HDAC4: variants seen among roughly 807,000 people sequenced by gnomAD.
The protein encoded by HDAC4 is histone deacetylase A.
A neutral mutation model predicts 135.1 loss-of-function variants in HDAC4; 16 were observed. That is an observed-to-expected ratio of 0.12 (90% CI 0.08 to 0.18). HDAC4 has a LOEUF of 0.18. Among genes scored for constraint, HDAC4 ranks in the 10% least tolerant of loss-of-function variants. The probability of loss-of-function intolerance (pLI) is 1.00; values close to 1 mark genes in which losing one functional copy is unlikely to be tolerated. For missense variants in HDAC4, 1,143 were observed against 1,511.8 expected, an observed-to-expected ratio of 0.76 and a Z score of 4.05; for synonymous variants, 685 against 653.4, an observed-to-expected ratio of 1.05 and a Z score of -0.74.
chr2:239,109,958 G>C (rs948040643), intron 14 of HDAC4, among the ~76,000 whole-genome samples: 3 of 152,188 alleles, frequency 2.0e-5, no homozygotes, highest in Non-Finnish European at 1.5e-5. Context: ...ATGGAGAAGC[G>C]GCAAAGCCCA....
chr2:239,249,060 G>A (rs1024711376), intron 2 of HDAC4, among the ~76,000 whole-genome samples: 4 of 152,244 alleles, frequency 2.6e-5, no homozygotes, highest in African/African-American at 9.6e-5. Flanking sequence ...GGCAGGGACT[G>A]TTCTTTTAGA....
intron 3 of HDAC4, among the ~76,000 whole-genome samples, chr2:239,197,882 T>TGTGTGTGTGTGTGC (rs796837146): frequency 4.7e-5 from 7 of 150,420 alleles, no homozygotes; most frequent in South Asian, 2.1e-4. Context: ...TGTGTGTGTG[T>TGTGTGTGTGTGTGC]GCTGAGTGTC....
At chr2:239,055,114 G>A (rs1169297036) in intron 24 of HDAC4, 13 of 390,104 alleles carry the variant, frequency 3.3e-5, no homozygotes, top group African/African-American at 1.7e-4. Flanking sequence ...GCACCTGCAC[G>A]TGAACTTGGT....
intron 3 of HDAC4, among the ~76,000 whole-genome samples, chr2:239,203,689 G>A (rs2045890868): frequency 6.6e-6 from 1 of 152,178 alleles, no homozygotes; most frequent in Non-Finnish European, 1.5e-5. Context: ...CTGACCCATA[G>A]TCCAGTAGGG....
At chr2:239,305,937 T>A (rs928602286) in intron 2 of HDAC4, among the ~76,000 whole-genome samples, 1 of 152,136 alleles carries the variant, frequency 6.6e-6, no homozygotes, top group Admixed American at 6.5e-5. Context: ...GGAGGAACCG[T>A]GACAAAGAGC....
intron 4 of HDAC4, among the ~76,000 whole-genome samples, chr2:239,181,815 A>C (rs1218085644): frequency 6.6e-6 from 1 of 152,214 alleles, no homozygotes; most frequent in Non-Finnish European, 1.5e-5. Flanking sequence ...AAGAGGTGGC[A>C]TGGGGAGAAC....
chr2:239,183,943 AAG>A (rs978689110), intron 4 of HDAC4, among the ~76,000 whole-genome samples: 3 of 152,026 alleles, frequency 2.0e-5, no homozygotes, highest in African/African-American at 7.3e-5. Context: ...CCCTGAAAGG[AAG>A]AGTCACACTA....
At chr2:239,278,337 A>T (rs1329066136) in intron 2 of HDAC4, among the ~76,000 whole-genome samples, 2 of 152,180 alleles carry the variant, frequency 1.3e-5, no homozygotes, top group Non-Finnish European at 2.9e-5. Context: ...TAAAAAAAAA[A>T]TTGACAATCT....
At chr2:239,203,239 G>A (rs2045865915) in intron 3 of HDAC4, among the ~76,000 whole-genome samples, 1 of 152,196 alleles carries the variant, frequency 6.6e-6, no homozygotes, top group Admixed American at 6.5e-5. Flanking sequence ...CAGCAAGTGG[G>A]TGCCCACCCA....
chr2:239,053,167 G>T (rs2031144495), intron 26 of HDAC4, 31 bp from the exon 27 acceptor site: 1 of 1,613,718 alleles, frequency 6.2e-7, no homozygotes, highest in South Asian at 1.1e-5. Flanking sequence ...GGAGATGGGG[G>T]CGTGGGGCAG....
intron 1 of HDAC4, among the ~76,000 whole-genome samples, chr2:239,363,397 T>C (rs970868360): frequency 6.6e-6 from 1 of 152,216 alleles, no homozygotes; most frequent in African/African-American, 2.4e-5. Flanking sequence ...CTTCTAAACT[T>C]GTGTAATTAA....
At chr2:239,202,131 T>TCTCC (rs2045793206) in intron 3 of HDAC4, among the ~76,000 whole-genome samples, 1 of 152,004 alleles carries the variant, frequency 6.6e-6, no homozygotes, top group African/African-American at 2.4e-5. Context: ...GGGCTGGCTG[T>TCTCC]CTCCATGCCC....
intron 1 of HDAC4, among the ~76,000 whole-genome samples, chr2:239,377,744 C>G (rs1270754753): frequency 6.6e-6 from 1 of 152,102 alleles, no homozygotes; most frequent in Non-Finnish European, 1.5e-5. Context: ...GTGAAAAGAC[C>G]CCCAGGACCC....
intron 6 of HDAC4, among the ~76,000 whole-genome samples, chr2:239,160,953 C>CA (rs1438114487): frequency 6.6e-6 from 1 of 152,214 alleles, no homozygotes; most frequent in Non-Finnish European, 1.5e-5. Context: ...GCATCTGCTC[C>CA]AGCACCCGGC....
intron 4 of HDAC4, among the ~76,000 whole-genome samples, chr2:239,177,379 A>G (rs947878896): frequency 6.6e-6 from 1 of 152,220 alleles, no homozygotes; most frequent in Non-Finnish European, 1.5e-5. Context: ...AGTGGAGGTG[A>G]AACCCAAAAA....
At chr2:239,260,187 C>T (rs1238522397) in intron 2 of HDAC4, among the ~76,000 whole-genome samples, 1 of 152,232 alleles carries the variant, frequency 6.6e-6, no homozygotes, top group Non-Finnish European at 1.5e-5. Context: ...CGTGTCCAGA[C>T]TCTGCAGGCG....
At chr2:239,094,778 C>T (rs2036847042) in intron 17 of HDAC4, 4 of 1,396,654 alleles carry the variant, frequency 2.9e-6, no homozygotes, top group Non-Finnish European at 3.8e-6. Context: ...CCACTGCACC[C>T]CAGAGCCCCA....
intron 15 of HDAC4, among the ~76,000 whole-genome samples, chr2:239,106,548 C>T (rs775439534): frequency 2.0e-5 from 3 of 152,290 alleles, no homozygotes; most frequent in Non-Finnish European, 4.4e-5. Flanking sequence ...AAGCAGGTGC[C>T]AAGAGCCTCT....
At chr2:239,200,418 G>A (rs889198868) in intron 3 of HDAC4, among the ~76,000 whole-genome samples, 6 of 152,190 alleles carry the variant, frequency 3.9e-5, no homozygotes, top group African/African-American at 1.2e-4. Context: ...GAAAGTAGAA[G>A]TATTCTTTAA....
Sources: gnomAD v4.1 joint callset for allele counts (sites outside exome capture counted in the v4.1 genomes callset) on GRCh38, gnomAD v4.1.1 for gene constraint, MANE v1.5 for transcripts, NCBI Gene and HGNC (gene_info 2026-07-23, HGNC 2026-07-21) for gene names.